Variants in HMGA2 observed in about 807,000 individuals in gnomAD.
HMGA2 encodes high mobility group AT-hook 2.
In HMGA2, 8 loss-of-function variants were observed where a neutral mutation model predicts 19.1. The observed-to-expected ratio is 0.42, with a 90% CI of 0.25 to 0.76. The LOEUF (loss-of-function observed/expected upper bound fraction) is 0.76. HMGA2 is among the 30% of genes least tolerant of loss of function. HMGA2 has a pLI of 0.28. For missense variants in HMGA2, 109 were observed against 136.3 expected, an observed-to-expected ratio of 0.80 and a Z score of 1.00; for synonymous variants, 60 against 48.8, an observed-to-expected ratio of 1.23 and a Z score of -0.96.
chr12:65,847,935 C>G (rs1871296236), intron 3 of HMGA2, among the ~76,000 whole-genome samples: 1 of 152,092 alleles, frequency 6.6e-6, no homozygotes, highest in African/African-American at 2.4e-5. Context: ...TTAAAAAAAT[C>G]CAAACTAATG....
In HMGA2 at chr12:65,825,390, G is replaced by T; in HGVS notation, c.111+9G>T. ...CCAGGAAGCAGCAGCAAGTCAGTAC[G>T]AGGGCGCGGTGGGGGCACCAGCCCA... On this transcript the variant is annotated intron_variant, in intron 1 of 4. Transcript: ENST00000403681. This position sits in a 1 kb window ranked among gnomAD's most constrained non-coding sequence, Gnocchi z 4.4. The T allele has an allele frequency of 6.6e-7, 1 of 1,513,516 alleles. No individual in the cohort carries two copies. The allele number at this position is 1,513,516 out of a possible 1,614,324, so 93.8% of individuals were successfully genotyped here.
intron 3 of HMGA2, among the ~76,000 whole-genome samples, chr12:65,900,827 G>T (rs904267903): frequency 1.3e-5 from 2 of 152,166 alleles, no homozygotes; most frequent in African/African-American, 4.8e-5. Flanking sequence ...GGAGCCAACT[G>T]TTACATTTTT....
At chr12:65,963,108 G>T in intron 4 of HMGA2, 137 bp from the exon 5 acceptor site, 3 of 760,304 alleles carry the variant, frequency 3.9e-6, no homozygotes, top group South Asian at 1.6e-5. Flanking sequence ...TGGGAATGAG[G>T]GCTCGCCAGT....
intron 3 of HMGA2, among the ~76,000 whole-genome samples, chr12:65,947,697 A>G (rs1361308732): frequency 6.6e-6 from 1 of 152,234 alleles, no homozygotes; most frequent in African/African-American, 2.4e-5. Context: ...TTGGATCATC[A>G]GATTTGTCTA....
At chr12:65,945,581 C>CA (rs1177979590) in intron 3 of HMGA2, among the ~76,000 whole-genome samples, 2 of 151,954 alleles carry the variant, frequency 1.3e-5, no homozygotes, top group African/African-American at 4.8e-5. Flanking sequence ...TAACTTTGGA[C>CA]AAAGGGTGAA....
chr12:65,842,898 A>G, intron 3 of HMGA2: 1 of 1,231,276 alleles, frequency 8.1e-7, no homozygotes, highest in Non-Finnish European at 1.0e-6. Flanking sequence ...AATACAATGA[A>G]GTAATAAAGT....
chr12:65,841,222 G>A (rs1870982868), intron 3 of HMGA2, among the ~76,000 whole-genome samples: 1 of 152,082 alleles, frequency 6.6e-6, no homozygotes, highest in South Asian at 2.1e-4. Flanking sequence ...AGATCTTCCT[G>A]CTGGGTAAGA....
intron 3 of HMGA2, among the ~76,000 whole-genome samples, chr12:65,864,398 C>G (rs185865668): frequency 6.6e-6 from 1 of 152,082 alleles, no homozygotes; most frequent in East Asian, 1.9e-4. Context: ...GTTATAAAGA[C>G]AAAATTACAT....
intron 4 of HMGA2, chr12:65,956,519 ATTAGC>A (rs1348463077): frequency 6.6e-6 from 1 of 152,232 alleles, no homozygotes; most frequent in East Asian, 1.9e-4. Context: ...AGATGAAGTA[ATTAGC>A]TTAGCTAACA....
At chr12:65,930,072 A>G (rs895623323) in intron 3 of HMGA2, among the ~76,000 whole-genome samples, 2 of 152,182 alleles carry the variant, frequency 1.3e-5, no homozygotes, top group Admixed American at 6.5e-5. Flanking sequence ...AGTAGAATAT[A>G]TTGTAAGCCC....
intron 3 of HMGA2, among the ~76,000 whole-genome samples, chr12:65,874,849 C>A (rs1047350153): frequency 6.6e-6 from 1 of 152,162 alleles, no homozygotes; most frequent in African/African-American, 2.4e-5. Flanking sequence ...CAGTTTGGTG[C>A]TCCATCTCAG....
At chr12:65,910,022 C>A (rs1874776257) in intron 3 of HMGA2, among the ~76,000 whole-genome samples, 1 of 152,030 alleles carries the variant, frequency 6.6e-6, no homozygotes, top group East Asian at 1.9e-4. Context: ...AAGCTAACAG[C>A]ACAAAAGAGG....
At position 65,924,605 on chromosome 12, in the gene HMGA2, C is replaced by G. The variant is rs138881118; in HGVS notation, c.250-26778C>G. 2.3e-3 allele frequency among the ~76,000 whole-genome samples: 350 copies of G among 152,240 alleles called. 2 individuals are homozygous for G. The highest frequency in any genetic ancestry group is 7.8e-3 in the African/African-American group (323 of 41,542). On this transcript the variant is annotated intron_variant, in intron 3 of 4. Coordinates refer to ENST00000403681, the MANE Select transcript of HMGA2 (RefSeq NM_003483.6). The stretch of plus-strand genomic sequence containing the variant: ...TTGAGGTCAAGAGATCGAGACCATC[C>G]TGGCCAACATGGTGAAAACCCATCT...
At chr12:65,860,978 A>C (rs1348680799) in intron 3 of HMGA2, among the ~76,000 whole-genome samples, 1 of 152,222 alleles carries the variant, frequency 6.6e-6, no homozygotes, top group Non-Finnish European at 1.5e-5. Flanking sequence ...GTTTGACTTC[A>C]TGGCACACTT....
chr12:65,864,170 C>T (rs554101924), intron 3 of HMGA2, among the ~76,000 whole-genome samples: 1 of 152,170 alleles, frequency 6.6e-6, no homozygotes, highest in East Asian at 1.9e-4. Context: ...CTAAGTAGGG[C>T]CCATTTCCAT....
At chr12:65,872,610 GC>G (rs1351477382) in intron 3 of HMGA2, among the ~76,000 whole-genome samples, 1 of 152,098 alleles carries the variant, frequency 6.6e-6, no homozygotes, top group African/African-American at 2.4e-5. Flanking sequence ...GGTGCCTGGA[GC>G]TATATGTTTT....
chr12:65,874,484 G>C (rs1194693319), intron 3 of HMGA2, among the ~76,000 whole-genome samples: 1 of 152,140 alleles, frequency 6.6e-6, no homozygotes, highest in Admixed American at 6.5e-5. Context: ...TCCAGCAGGA[G>C]GGAAACCATT....
At chr12:65,943,988 A>G (rs1212691199) in intron 3 of HMGA2, among the ~76,000 whole-genome samples, 1 of 152,116 alleles carries the variant, frequency 6.6e-6, no homozygotes, top group African/African-American at 2.4e-5. Context: ...TAAAACAGAA[A>G]AGCTTTCAAC....
rs1001389397 is a variant in HMGA2 at position 65,964,468 on chromosome 12, T to C, written c.*1176T>C. ...ACATAAGATGGTTGACCAAGGTGCT[T>C]TTCTTCGGCTTGAGTTCACCATCTC... On this transcript the variant is annotated 3_prime_UTR_variant, in exon 5 of 5. Coordinates refer to ENST00000403681, the MANE Select transcript of HMGA2 (RefSeq NM_003483.6). 4.5e-6 allele frequency: 1 copy of C among 220,108 alleles called. No homozygotes were observed. Among genetic ancestry groups the C allele is most frequent in the African/African-American group, 2.2e-5 (1 of 44,640 alleles). The allele number at this position is 220,108 out of a possible 1,614,324, so 13.6% of individuals were successfully genotyped here. A position where few individuals can be genotyped will look rare whatever the true frequency, so the allele number is the denominator to read the frequency against.
Sources: allele counts gnomAD v4.1 joint callset (sites outside exome capture counted in the v4.1 genomes callset), GRCh38; gene constraint gnomAD v4.1.1; non-coding constraint Gnocchi (gnomAD v3.1); transcripts MANE v1.5; gene names NCBI Gene and HGNC (gene_info 2026-07-23, HGNC 2026-07-21).